The following TF variants were observed in gnomAD, a reference collection of about 807,000 sequenced individuals.
The protein encoded by TF is transferrin.
Under a neutral mutation model 82.4 loss-of-function variants are expected in TF, and 55 were observed. The observed-to-expected ratio is 0.67, with a 90% CI of 0.54 to 0.84. TF has a LOEUF of 0.84. Among genes scored for constraint, TF ranks in the 40% least tolerant of loss-of-function variants. The probability of loss-of-function intolerance (pLI) is 0.00; values close to 1 mark genes in which losing one functional copy is unlikely to be tolerated. For synonymous variants in TF, 332 were observed against 332.6 expected (o/e 1.00, Z 0.02); for missense variants, 737 against 868.4 (o/e 0.85, Z 1.90).
chr3:133,690,160 A>G, the TF span, among the ~76,000 whole-genome samples: 28,690 of 151,988 alleles, frequency 0.19, 2,938 homozygotes, highest in African/African-American at 0.25. Flanking sequence ...AAAATTTTAA[A>G]CCATGACAAA....
chr3:133,678,886 G>A, the TF span, among the ~76,000 whole-genome samples: 1 of 151,774 alleles, frequency 6.6e-6, no homozygotes, highest in African/African-American at 2.4e-5. Flanking sequence ...GTTTTGTTTT[G>A]TTTTGAGATG....
At chr3:133,767,197 C>T (rs1032358096) in intron 12 of TF, among the ~76,000 whole-genome samples, 20 of 152,170 alleles carry the variant, frequency 1.3e-4, no homozygotes, top group African/African-American at 4.3e-4. Context: ...TAGAAATCAC[C>T]TCATTTTCTA....
chr3:133,775,299 A>G, intron 14 of TF, 134 bp from the exon 15 acceptor site: 1 of 852,826 alleles, frequency 1.2e-6, no homozygotes, highest in Non-Finnish European at 2.0e-6. Context: ...TGTCCACATC[A>G]CTGTAACCCC....
chr3:133,728,686 G>A, the TF span, among the ~76,000 whole-genome samples: 1,590 of 152,246 alleles, frequency 0.01, 11 homozygotes, highest in Non-Finnish European at 0.014. Flanking sequence ...GCTTTGTTCC[G>A]TTGCTGGTGA....
rs944417256 is a variant in TF, at chr3:133,784,497, A to G, written c.*5877A>G. The G allele has an allele frequency of 1.1e-4, 16 of 150,126 alleles. No homozygotes were observed. Among genetic ancestry groups the G allele is most frequent in the African/African-American group, 3.9e-4 (16 of 40,964 alleles). The allele number at this position is 150,126 out of a possible 1,614,324, so 9.3% of individuals were successfully genotyped here. A position where few individuals can be genotyped will look rare whatever the true frequency, so the allele number is the denominator to read the frequency against. On this transcript the variant is annotated 3_prime_UTR_variant, in exon 17 of 17. Transcript: ENST00000402696. ...AATAATAATAATAATAATAATAATA[A>G]TAATAATAATAGGACATAAATGGCT...
chr3:133,736,003 G>A, the TF span, among the ~76,000 whole-genome samples: 29,643 of 152,066 alleles, frequency 0.19, 3,014 homozygotes, highest in East Asian at 0.29. Flanking sequence ...CCACATAATC[G>A]TCAGATTCAC....
At chr3:133,767,890 T>G (rs1254085128) in intron 12 of TF, 139 bp from the exon 13 acceptor site, 3 of 1,051,288 alleles carry the variant, frequency 2.9e-6, no homozygotes, top group African/African-American at 1.6e-5. Flanking sequence ...GCCTGGCAAG[T>G]CCTGGGTTGG....
the TF span, chr3:133,707,800 A>G: frequency 6.6e-6 from 1 of 152,248 alleles, no homozygotes; most frequent in Admixed American, 6.5e-5. Context: ...ATTCAGTTAT[A>G]TAGTATTGGC....
chr3:133,697,873 C>T, the TF span, among the ~76,000 whole-genome samples: 1 of 152,316 alleles, frequency 6.6e-6, no homozygotes, highest in African/African-American at 2.4e-5. Flanking sequence ...TTTATCAACC[C>T]CAAAGACCAT....
rs1934440336 is a variant in TF at position 133,778,108 on chromosome 3, G to A, written c.2063-478G>A. 5.9e-5 allele frequency: 10 copies of A among 169,008 alleles called. No homozygotes were observed. In the South Asian group the frequency reaches 1.1e-3, roughly 18 times the overall value. The allele number at this position is 169,008 out of a possible 1,614,324, so 10.5% of individuals were successfully genotyped here. On this transcript the variant is annotated intron_variant, in intron 16 of 16. Transcript: ENST00000402696. ...AGCAGCAATGTGCTTGTCTAGGTTC[G>A]CTATTGTGAGAATCAAGTTGATATT... is the stretch of plus-strand genomic sequence containing the variant.
At chr3:133,726,443 G>A in the TF span, among the ~76,000 whole-genome samples, 61 of 152,174 alleles carry the variant, frequency 4.0e-4, 1 homozygote, top group Non-Finnish European at 4.6e-4. Context: ...GTTTATTTGC[G>A]TAGAGGTGTT....
chr3:133,663,956 T>A, the TF span, among the ~76,000 whole-genome samples: 1 of 152,172 alleles, frequency 6.6e-6, no homozygotes, highest in Non-Finnish European at 1.5e-5. Context: ...AGTTCTCCCA[T>A]CTTGTGTCTC....
chr3:133,752,643 G>A (rs1435870766), intron 2 of TF, among the ~76,000 whole-genome samples: 10 of 152,128 alleles, frequency 6.6e-5, no homozygotes, highest in Admixed American at 6.5e-4. Context: ...GCTTACAGAA[G>A]CACAAAGTCA....
chr3:133,759,101 C>G (rs1000953631), intron 8 of TF, 74 bp from the exon 9 acceptor site: 1 of 1,579,332 alleles, frequency 6.3e-7, no homozygotes, highest in Non-Finnish European at 8.7e-7. Context: ...TGCATGAAGA[C>G]AGTGAGTAGT....
chr3:133,717,615 A>C, the TF span, among the ~76,000 whole-genome samples: 1 of 152,322 alleles, frequency 6.6e-6, no homozygotes, highest in Non-Finnish European at 1.5e-5. Context: ...GGGGATTGAC[A>C]CAACAGTCTG....
intron 9 of TF, 58 bp from the exon 10 acceptor site, chr3:133,764,124 G>T: frequency 6.7e-7 from 1 of 1,490,962 alleles, no homozygotes; most frequent in Non-Finnish European, 9.4e-7. Flanking sequence ...AGCTGGAAAA[G>T]TGGGTGGCAC....
Position 133,781,319 on chromosome 3 carries a change from A to G in TF, c.*2699A>G, listed in dbSNP as rs1403658617. 2 of 152,046 alleles carry G rather than the reference A, an allele frequency of 1.3e-5. No homozygotes were observed. Among genetic ancestry groups the G allele is most frequent in the Admixed American group, 1.3e-4 (2 of 15,262 alleles). The allele number at this position is 152,046 out of a possible 1,614,324, so 9.4% of individuals were successfully genotyped here. On this transcript the variant is annotated 3_prime_UTR_variant, in exon 17 of 17. Transcript: ENST00000402696. ...CAACAAGAGCAAAACTCTGTCTCAA[A>G]ATAATAAAAATAATAATAATAATAA...
At position 133,756,945 on chromosome 3, in the gene TF, C is replaced by T. The variant is rs753282540; in HGVS notation, c.806C>T (p.Thr269Ile). ...CACTTGGCCCAGGTCCCTTCTCATA[C>T]CGTCGTGGCCCGAAGTATGGGCGGC... ...DCHLAQVPSH[T>I]VVARSMGGKE... Residue 269 changes from threonine (T) to isoleucine (I), a missense_variant, in exon 7 of 17, where the codon ACC (threonine) becomes ATC (isoleucine). Coordinates refer to ENST00000402696, the MANE Select transcript of TF (RefSeq NM_001063.4). 6 of 1,614,120 alleles carry T rather than the reference C, an allele frequency of 3.7e-6. No homozygotes were observed. In the South Asian group the frequency reaches 5.5e-5, roughly 15 times the overall value.
chr3:133,756,986 T>C lies in TF; in HGVS notation c.847T>C (p.Trp283Arg), dbSNP rs774824567. The change falls in exon 7 of 17, where the codon TGG becomes CGG. Residue 283 changes from tryptophan (W) to arginine (R), a missense_variant. Transcript: ENST00000402696. Reference protein sequence around the residue: ...RSMGGKEDLIWELLNQAQEHF... With the variant: ...RSMGGKEDLIRELLNQAQEHF... The stretch of plus-strand genomic sequence containing the variant: ...TATGGGCGGCAAGGAGGACTTGATC[T>C]GGGAGCTTCTCAACCAGGCCCAGGT... 11 of 1,614,142 alleles carry C rather than the reference T, an allele frequency of 6.8e-6. No homozygotes were observed. Among genetic ancestry groups the C allele is most frequent in the Non-Finnish European group, 9.3e-6 (11 of 1,180,014 alleles).
Sources: gnomAD v4.1 joint callset for allele counts (sites outside exome capture counted in the v4.1 genomes callset) on GRCh38, gnomAD v4.1.1 for gene constraint, MANE v1.5 for transcripts, NCBI Gene and HGNC (gene_info 2026-07-23, HGNC 2026-07-21) for gene names.